ACACB: variants seen among roughly 807,000 people sequenced by gnomAD.
The protein encoded by ACACB is acetyl-CoA carboxylase 2.
In ACACB, 209 loss-of-function variants were observed where a neutral mutation model predicts 278.8. The ratio of observed to expected loss-of-function variants is 0.75; its 90% CI spans 0.67 to 0.84. ACACB has a LOEUF of 0.84. ACACB is among the 40% of genes least tolerant of loss of function. The pLI, the probability that ACACB is intolerant of heterozygous loss-of-function variation, is 0.00. For missense variants in ACACB, 2,850 were observed against 3,269.0 expected (o/e 0.87, Z 3.13); for synonymous variants, 1,174 against 1,285.6 (o/e 0.91, Z 1.86).
At chr12:109,195,369 G>C (rs2045083534) in intron 16 of ACACB, among the ~76,000 whole-genome samples, 1 of 152,120 alleles carries the variant, frequency 6.6e-6, no homozygotes. Flanking sequence ...TGGAGATTTG[G>C]GGGCTTTAGT....
At chr12:109,188,705 CT>C (rs1223818980) in intron 13 of ACACB, among the ~76,000 whole-genome samples, 3 of 152,110 alleles carry the variant, frequency 2.0e-5, no homozygotes, top group Admixed American at 1.3e-4. Context: ...AAAGCCTGCC[CT>C]TTTTTTCCTT....
intron 20 of ACACB, among the ~76,000 whole-genome samples, chr12:109,207,507 C>G (rs548011329): frequency 1.3e-5 from 2 of 152,200 alleles, no homozygotes; most frequent in African/African-American, 2.4e-5. Context: ...TCTGCTCACT[C>G]AGTAGAGAAA....
Position 109,216,858 on chromosome 12 carries a change from C to T in ACACB, c.3502C>T (p.Leu1168=), listed in dbSNP as rs199722458. Reference sequence around the variant, plus strand: ...GTTCAAGCCAGACATGTCCCAGGTGCTGGACTGCATCTTCTCCCACGCACA... The same window carrying T: ...GTTCAAGCCAGACATGTCCCAGGTGTTGGACTGCATCTTCTCCCACGCACA... ...EQFKPDMSQV[L]DCIFSHAQVA... The change falls in exon 24 of 53, where the codon CTG becomes TTG. Residue 1168 remains leucine, a synonymous_variant. Transcript: ENST00000338432. 1.2e-5 allele frequency: 20 copies of T among 1,614,114 alleles called. No homozygotes were observed. Among genetic ancestry groups the T allele is most frequent in the Non-Finnish European group, 1.7e-5 (20 of 1,180,020 alleles).
At position 109,209,107 on chromosome 12, in the gene ACACB, G is replaced by A; in HGVS notation, c.3061-58G>A. 9.2e-6 allele frequency: 14 copies of A among 1,514,722 alleles called. No individual in the cohort carries two copies. The South Asian group carries it at 1.5e-4, about 17-fold the overall frequency. The allele number at this position is 1,514,722 out of a possible 1,614,324, so 93.8% of individuals were successfully genotyped here. A position where few individuals can be genotyped will look rare whatever the true frequency, so the allele number is the denominator to read the frequency against. On this transcript the variant is annotated intron_variant, in intron 20 of 52. Coordinates refer to ENST00000338432, the MANE Select transcript of ACACB (RefSeq NM_001093.4). Reference sequence around the variant, plus strand: ...GAGCTGTGTTGGGTGCCCTGTTTGGGGCGGTGGTGCCCATGCCCATGCAGG... The same window carrying A: ...GAGCTGTGTTGGGTGCCCTGTTTGGAGCGGTGGTGCCCATGCCCATGCAGG...
At chr12:109,127,157 C>T (rs1304608131) in intron 1 of ACACB, among the ~76,000 whole-genome samples, 2 of 152,216 alleles carry the variant, frequency 1.3e-5, no homozygotes, top group African/African-American at 2.4e-5. Context: ...ATTGAATCAA[C>T]GACCTGGTCA....
At chr12:109,237,750 G>A (rs2046672736) in intron 34 of ACACB, among the ~76,000 whole-genome samples, 1 of 152,156 alleles carries the variant, frequency 6.6e-6, no homozygotes. Flanking sequence ...AGTGACCCAT[G>A]CCTGTAATCC....
Position 109,191,958 on chromosome 12 carries a change from C to T in ACACB, c.2399+8C>T. On this transcript the variant is annotated splice_region_variant and intron_variant, in intron 15 of 52. Transcript: ENST00000338432. ...CTTACACTCCCTGGAAAGGTAGGGG[C>T]TGTGGCAGTTCCCTTCTGCTTTTGT... 6.2e-7 allele frequency: 1 copy of T among 1,613,844 alleles called. No homozygotes were observed. The highest frequency in any genetic ancestry group is 1.7e-5 in the Admixed American group (1 of 60,022).
At chr12:109,191,416 G>A (rs2044877866) in intron 13 of ACACB, 197 bp from the exon 14 acceptor site, 1 of 509,538 alleles carries the variant, frequency 2.0e-6, no homozygotes, top group Non-Finnish European at 3.5e-6. Context: ...GTTTCGCCAT[G>A]TTGGCCAGGC....
chr12:109,250,559 T>C (rs2047066675), intron 41 of ACACB, among the ~76,000 whole-genome samples: 1 of 152,216 alleles, frequency 6.6e-6, no homozygotes, highest in South Asian at 2.1e-4. Context: ...TTTCTCTGAC[T>C]TTAACTGGCA....
intron 28 of ACACB, among the ~76,000 whole-genome samples, chr12:109,230,871 C>CT (rs1334003026): frequency 6.6e-6 from 1 of 152,070 alleles, no homozygotes; most frequent in Non-Finnish European, 1.5e-5. Flanking sequence ...GCACAGGGTC[C>CT]TTTTTTGACC....
intron 39 of ACACB, among the ~76,000 whole-genome samples, chr12:109,247,293 T>C (rs1190378651): frequency 6.6e-6 from 1 of 152,080 alleles, no homozygotes; most frequent in Non-Finnish European, 1.5e-5. Context: ...AAATAGTTTT[T>C]AACATATATA....
At chr12:109,160,781 G>A (rs1297545499) in intron 2 of ACACB, among the ~76,000 whole-genome samples, 3 of 152,184 alleles carry the variant, frequency 2.0e-5, no homozygotes, top group Non-Finnish European at 2.9e-5. Context: ...AGGCCAGTCC[G>A]GCAGCTTTGT....
chr12:109,162,824 C>G (rs1433394565), intron 2 of ACACB, among the ~76,000 whole-genome samples: 1 of 152,184 alleles, frequency 6.6e-6, no homozygotes, highest in Non-Finnish European at 1.5e-5. Context: ...CTACATTGAG[C>G]TCAGGGTCAA....
intron 36 of ACACB, among the ~76,000 whole-genome samples, 196 bp downstream of exon 36, chr12:109,241,477 A>T (rs562272407): frequency 4.6e-5 from 7 of 152,344 alleles, no homozygotes; most frequent in Non-Finnish European, 8.8e-5. Context: ...TCACCTAAAA[A>T]GGAGAGTGAA....
rs374187791 is a variant in ACACB, at chr12:109,210,150, T to TAC, written c.3249+802_3249+803dup. On this transcript the variant is annotated intron_variant, in intron 21 of 52. Transcript: ENST00000338432. ...ATGTATGTGTGTATATATGTATATA[T>TAC]ACACACGTGTGTATATGTATATATG... 5.0e-3 allele frequency among the ~76,000 whole-genome samples: 286 copies of TAC among 56,978 alleles called. 41 individuals carry two copies. The highest frequency in any genetic ancestry group is 9.2e-3 in the Non-Finnish European group (234 of 25,438). 37.4% of individuals were successfully genotyped at this position (56,978 alleles called of 152,430 possible).
intron 2 of ACACB, among the ~76,000 whole-genome samples, chr12:109,147,067 A>T (rs1459758823): frequency 1.3e-5 from 2 of 152,108 alleles, no homozygotes; most frequent in African/African-American, 4.8e-5. Context: ...CTCTACTGCT[A>T]GCTCTTTGCC....
In ACACB at chr12:109,265,317, G is replaced by A. The variant is rs369210055; in HGVS notation, c.7113+37G>A. 6 of 1,611,082 alleles carry A rather than the reference G, an allele frequency of 3.7e-6. No homozygotes were observed. The African/African-American group carries it at 6.7e-5, about 18-fold the overall frequency. On this transcript the variant is annotated intron_variant, in intron 51 of 52. Transcript: ENST00000338432. ...GTGAGAACGAGGCCGGTGAGCACAGGGGGTGCTGGGGGCTGAGACAGCTGG... is the reference window on the plus strand; with the variant it reads ...GTGAGAACGAGGCCGGTGAGCACAGAGGGTGCTGGGGGCTGAGACAGCTGG...
chr12:109,257,521 G>A (rs1356454850), intron 45 of ACACB, among the ~76,000 whole-genome samples: 1 of 152,092 alleles, frequency 6.6e-6, no homozygotes, highest in Non-Finnish European at 1.5e-5. Flanking sequence ...GCAACTTGAT[G>A]TCTAGACCAG....
intron 2 of ACACB, among the ~76,000 whole-genome samples, chr12:109,142,371 C>G (rs750026477): frequency 6.6e-6 from 1 of 152,088 alleles, no homozygotes; most frequent in Non-Finnish European, 1.5e-5. Context: ...TAATATTTCT[C>G]AGGTACTTGG....
Sources: allele counts gnomAD v4.1 joint callset (sites outside exome capture counted in the v4.1 genomes callset), GRCh38; gene constraint gnomAD v4.1.1; transcripts MANE v1.5; gene names NCBI Gene and HGNC (gene_info 2026-07-23, HGNC 2026-07-21).